Variants in RABL6 observed in about 807,000 individuals in gnomAD.
RABL6 encodes RAB, member RAS oncogene family like 6.
A neutral mutation model predicts 72.9 loss-of-function variants in RABL6; 28 were observed. That is an observed-to-expected ratio of 0.38 (90% CI 0.28 to 0.53). The LOEUF (loss-of-function observed/expected upper bound fraction) is 0.53, where lower values mean the gene tolerates loss of function less well. Ranked by LOEUF, RABL6 falls within the 20% of genes least tolerant of loss-of-function variation. The pLI, the probability that RABL6 is intolerant of heterozygous loss-of-function variation, is 0.80. For synonymous variants in RABL6, 477 were observed against 421.2 expected, an observed-to-expected ratio of 1.13 and a Z score of -1.62; for missense variants, 1,029 against 1,008.4, an observed-to-expected ratio of 1.02 and a Z score of -0.28.
intron 1 of RABL6, among the ~76,000 whole-genome samples, chr9:136,819,642 G>C (rs1036108085): frequency 2.6e-5 from 4 of 152,322 alleles, no homozygotes; most frequent in African/African-American, 9.6e-5. Context: ...TAGTCCTAGT[G>C]CTACAGCGAC....
At chr9:136,832,413 ACCT>A in intron 7 of RABL6, 43 bp downstream of exon 7, 10 of 1,467,268 alleles carry the variant, frequency 6.8e-6, no homozygotes, top group Non-Finnish European at 9.5e-6. Context: ...CTGGTCTCTC[ACCT>A]CCTTCCAGGT....
At position 136,839,213 on chromosome 9, in the gene RABL6, T is replaced by C. The variant is rs1848640166; in HGVS notation, c.1494-9T>C. 1.9e-6 allele frequency: 3 copies of C among 1,594,422 alleles called. No homozygotes were observed. The highest frequency in any genetic ancestry group is 1.1e-5 in the South Asian group (1 of 89,358). On this transcript the variant is annotated splice_polypyrimidine_tract_variant and intron_variant, in intron 11 of 14. Coordinates refer to ENST00000311502, the MANE Select transcript of RABL6 (RefSeq NM_024718.5). ...AGGACCCTGACTGACCCTCTGCTTGTCCACAAAGGTCCTCCATACCAGCTT... is the reference window on the plus strand; with the variant it reads ...AGGACCCTGACTGACCCTCTGCTTGCCCACAAAGGTCCTCCATACCAGCTT...
In RABL6 at chr9:136,823,544, A is replaced by T; in HGVS notation, c.150A>T (p.Gly50=). ...CCCCAGTGAAGATAGTGATCCGGGG[A>T]GACAGGAACACGGGCAAGACAGCGC... ...VQYNMKIVIR[G]DRNTGKTALW... Residue 50 remains glycine (G), a synonymous_variant, in exon 2 of 15, where the codon GGA becomes GGT. Coordinates refer to ENST00000311502, the MANE Select transcript of RABL6 (RefSeq NM_024718.5). The T allele has an allele frequency of 6.2e-7, 1 of 1,613,712 alleles. No individual in the cohort carries two copies. Among genetic ancestry groups the T allele is most frequent in the South Asian group, 1.1e-5 (1 of 91,082 alleles).
In RABL6 at chr9:136,835,786, G is replaced by A. The variant is rs969673280; in HGVS notation, c.750G>A (p.Met250Ile). Reference protein sequence around the residue: ...LRQLETNQLDMDATLEELSVQ... With the variant: ...LRQLETNQLDIDATLEELSVQ... ...AGCTGGAGACGAACCAGCTGGACAT[G>A]GACGCCACGCTGGAGGAGCTGTCGG... is the stretch of plus-strand genomic sequence containing the variant. Residue 250 changes from methionine to isoleucine, a missense_variant, in exon 8 of 15, where the codon ATG becomes ATA. Around this residue, in one of 2 missense-constraint regions of RABL6, gnomAD observed 434 missense variants for 536.1 expected, o/e 0.81. Transcript: ENST00000311502. 4 of 1,553,592 alleles carry A rather than the reference G, an allele frequency of 2.6e-6. No individual in the cohort carries two copies. The highest frequency in any genetic ancestry group is 2.0e-4 in the Middle Eastern group (1 of 4,944).
intron 3 of RABL6, chr9:136,828,245 A>G: frequency 2.0e-6 from 1 of 504,332 alleles, no homozygotes; most frequent in Non-Finnish European, 3.6e-6. Context: ...GGAGCTGCTG[A>G]GCCTGTCAGC....
In RABL6 at chr9:136,841,053, C is replaced by T. The variant is rs930200515; in HGVS notation, c.*531C>T. 6 of 1,419,798 alleles carry T rather than the reference C, an allele frequency of 4.2e-6. No homozygotes were observed. In the African/African-American group the frequency reaches 8.7e-5, roughly 21 times the overall value. The allele number at this position is 1,419,798 out of a possible 1,614,324, so 88.0% of individuals were successfully genotyped here. A position where few individuals can be genotyped will look rare whatever the true frequency, so the allele number is the denominator to read the frequency against. On this transcript the variant is annotated 3_prime_UTR_variant, in exon 15 of 15. Transcript: ENST00000311502. Reference sequence around the variant, plus strand: ...AGACCGAAGGCAGCATGTGAGGCCTCTCCTGGGAGTGGGGGTTGTGTTTCC... The same window carrying T: ...AGACCGAAGGCAGCATGTGAGGCCTTTCCTGGGAGTGGGGGTTGTGTTTCC...
rs1471619047 is a variant in RABL6, at chr9:136,808,074, T to C, written c.-123T>C. The stretch of plus-strand genomic sequence containing the variant: ...GCTCCGCCGCCGGGACCCCGGCCTC[T>C]GGCCGCGCCGGCTCCGGCCTCCGGG... On this transcript the variant is annotated 5_prime_UTR_variant, in exon 1 of 15. Coordinates refer to ENST00000311502, the MANE Select transcript of RABL6 (RefSeq NM_024718.5). 15 of 1,150,594 alleles carry C rather than the reference T, an allele frequency of 1.3e-5. No homozygotes were observed. Among genetic ancestry groups the C allele is most frequent in the Non-Finnish European group, 1.5e-5 (14 of 929,604 alleles). 71.3% of individuals were successfully genotyped at this position (1,150,594 alleles called of 1,614,324 possible).
chr9:136,825,392 G>A (rs892762670), intron 2 of RABL6, among the ~76,000 whole-genome samples: 15 of 151,562 alleles, frequency 9.9e-5, no homozygotes, highest in African/African-American at 3.6e-4. Flanking sequence ...AGGCCAGGAG[G>A]GGCCGTGCCC....
At chr9:136,813,165 G>T in intron 1 of RABL6, 1 of 468,008 alleles carries the variant, frequency 2.1e-6, no homozygotes, top group East Asian at 5.1e-5. Flanking sequence ...TTAGATGGCT[G>T]GCTCCTGGCA....
Position 136,837,371 on chromosome 9 carries a change from A to C in RABL6, c.835A>C (p.Ser279Arg), listed in dbSNP as rs775301809. The C allele has an allele frequency of 6.2e-7, 1 of 1,603,170 alleles. No homozygotes were observed. Among genetic ancestry groups the C allele is most frequent in the Non-Finnish European group, 8.5e-7 (1 of 1,175,890 alleles). Residue 279 changes from serine (S) to arginine (R), a missense_variant, in exon 9 of 15, where the codon AGC becomes CGC. Physicochemically the swap from Ser to Arg is moderately radical, Grantham distance 110. This residue lies in a region of RABL6 where 434 missense variants were observed against 536.1 expected (regional missense o/e 0.81). Transcript: ENST00000311502. ...GIFLEMMEARSRGHASPLAAN... is the reference protein window; with the variant it reads ...GIFLEMMEARRRGHASPLAAN... ...CTTCCTGGAGATGATGGAGGCTCGC[A>C]GCCGTGGCCATGCGTCCCCACTGGC...
At chr9:136,832,656 A>G in intron 7 of RABL6, 1 of 449,634 alleles carries the variant, frequency 2.2e-6, no homozygotes, top group South Asian at 2.0e-5. Flanking sequence ...TGTTGAGATA[A>G]GGTCTTGCTG....
At chr9:136,838,317 T>C (rs755154743) in intron 10 of RABL6, among the ~76,000 whole-genome samples, 7 of 152,164 alleles carry the variant, frequency 4.6e-5, no homozygotes, top group South Asian at 4.1e-4. Context: ...GCAGGTCATA[T>C]GGGAGGTTCA....
At chr9:136,824,446 C>T (rs1191197905) in intron 2 of RABL6, among the ~76,000 whole-genome samples, 1 of 148,776 alleles carries the variant, frequency 6.7e-6, no homozygotes, top group African/African-American at 2.5e-5. Context: ...TTCTCTGCCT[C>T]AGCCTCCTGA....
chr9:136,839,746 GCCCTGC>G lies in RABL6; in HGVS notation c.1813_1818del (p.Pro605_Ala606del). On this transcript the variant is annotated inframe_deletion, in exon 13 of 15. Transcript: ENST00000311502. ...TCCGATGTGACTGACGAGGATGAGG[GCCCTGC>G]CGAGCCGCCCCCACCCCCCAAGCTC... 1 of 1,610,844 alleles carries G rather than the reference GCCCTGC, an allele frequency of 6.2e-7. No homozygotes were observed. Among genetic ancestry groups the G allele is most frequent in the Non-Finnish European group, 8.5e-7 (1 of 1,178,746 alleles).
chr9:136,828,478 T>C lies in RABL6; in HGVS notation c.314-16T>C, dbSNP rs1335944760. On this transcript the variant is annotated splice_polypyrimidine_tract_variant and intron_variant, in intron 3 of 14. Coordinates refer to ENST00000311502, the MANE Select transcript of RABL6 (RefSeq NM_024718.5). ...CAGGGGTTCCACCTCGTAATTTTTG[T>C]TTGTTTTTAAATAAGGAAAATGCAA... 6.2e-7 allele frequency: 1 copy of C among 1,612,626 alleles called. No homozygotes were observed. Among genetic ancestry groups the C allele is most frequent in the African/African-American group, 1.3e-5 (1 of 75,022 alleles).
intron 1 of RABL6, among the ~76,000 whole-genome samples, chr9:136,820,200 CAAAAAAAAAAAA>C (rs34975162): frequency 8.0e-4 from 62 of 77,848 alleles, no homozygotes; most frequent in African/African-American, 2.9e-3. Flanking sequence ...CTCCATCTTC[CAAAAAAAAAAAA>C]AAAAAAAAAA....
intron 1 of RABL6, chr9:136,808,980 C>T (rs1313541859): frequency 6.6e-6 from 1 of 152,176 alleles, no homozygotes; most frequent in Non-Finnish European, 1.5e-5. Context: ...CTGGGACGCT[C>T]CATTCCTTTG....
chr9:136,827,825 C>T (rs2131185040), intron 3 of RABL6: 1 of 152,352 alleles, frequency 6.6e-6, no homozygotes, highest in African/African-American at 2.4e-5. Flanking sequence ...AGACTGGGAC[C>T]CCCAGAGTTC....
At chr9:136,821,582 T>C in intron 1 of RABL6, 1 of 985,400 alleles carries the variant, frequency 1.0e-6, no homozygotes, top group Middle Eastern at 5.2e-4. Context: ...GCCGCCCGAC[T>C]GAGCCCAGAG....
Sources: allele counts gnomAD v4.1 joint callset (sites outside exome capture counted in the v4.1 genomes callset), GRCh38; gene constraint gnomAD v4.1.1; regional missense constraint gnomAD v4.1.1; transcripts MANE v1.5; gene names NCBI Gene and HGNC (gene_info 2026-07-23, HGNC 2026-07-21).